The following KCTD19 variants were observed in gnomAD, a reference collection of about 807,000 sequenced individuals.
The protein encoded by KCTD19 is potassium channel tetramerization domain containing 19.
Under a neutral mutation model 103.5 loss-of-function variants are expected in KCTD19, and 67 were observed. The observed-to-expected ratio is 0.65, with a 90% confidence interval of 0.53 to 0.79. KCTD19 has a LOEUF of 0.79. KCTD19 is among the 30% of genes least tolerant of loss of function. KCTD19 has a pLI of 0.00. For synonymous variants in KCTD19, 439 were observed against 452.2 expected, an observed-to-expected ratio of 0.97 and a Z score of 0.37; for missense variants, 980 against 1,136.1, an observed-to-expected ratio of 0.86 and a Z score of 1.98.
intron 2 of KCTD19, chr16:67,305,359 C>G (rs2036880987): frequency 4.2e-6 from 1 of 238,470 alleles, no homozygotes; most frequent in Admixed American, 5.4e-5. Context: ...CTTTAACACA[C>G]TTTTTCTCAT....
At position 67,293,559 on chromosome 16, in the gene KCTD19, T is replaced by C; in HGVS notation, c.2203A>G (p.Arg735Gly). 6.2e-7 allele frequency: 1 copy of C among 1,614,012 alleles called. No individual in the cohort carries two copies. The highest frequency in any genetic ancestry group is 8.5e-7 in the Non-Finnish European group (1 of 1,179,952). The change falls in exon 12 of 16, where the codon AGG (arginine) becomes GGG (glycine). Residue 735 changes from arginine (R) to glycine (G), a missense_variant. Arg to Gly is a moderately radical substitution (Grantham distance 125). Coordinates refer to ENST00000304372, the MANE Select transcript of KCTD19 (RefSeq NM_001100915.3). This position sits in a 1 kb window ranked among gnomAD's most constrained non-coding sequence, Gnocchi z 4.0. ...CAGGACTCACCTCTCTCCTTGGTCC[T>C]CTGCTTGCTCCAGTCCTTCAGGGTG... ...AGTLKDWSKQ[R>G]TKERESPAPE...
At position 67,303,837 on chromosome 16, in the gene KCTD19, G is replaced by A. The variant is rs1434397716; in HGVS notation, c.452-500C>T. Among the ~76,000 whole-genome samples, 4 of 152,168 alleles carry A rather than the reference G, an allele frequency of 2.6e-5. No homozygotes were observed. The highest frequency in any genetic ancestry group is 7.2e-5 in the African/African-American group (3 of 41,436). On this transcript the variant is annotated intron_variant, in intron 3 of 15. Coordinates refer to ENST00000304372, the MANE Select transcript of KCTD19 (RefSeq NM_001100915.3). This position sits in a 1 kb window ranked among gnomAD's most constrained non-coding sequence, Gnocchi z 4.3. ...GCTGGGATTACAGGCATGAGCCACC[G>A]TGCCCAGCTGGAAATCTATATTTTT...
intron 15 of KCTD19, among the ~76,000 whole-genome samples, chr16:67,290,476 C>A (rs1356685410): frequency 6.6e-6 from 1 of 152,148 alleles, no homozygotes; most frequent in Non-Finnish European, 1.5e-5. Flanking sequence ...CCGCGCCCGG[C>A]CTAAGAATGC....
At chr16:67,325,430 G>A (rs2037138345) in intron 1 of KCTD19, among the ~76,000 whole-genome samples, 2 of 143,212 alleles carry the variant, frequency 1.4e-5, no homozygotes, top group South Asian at 4.2e-4. Context: ...TTTTAGTAGA[G>A]ATGGGGTTTC....
intron 2 of KCTD19, among the ~76,000 whole-genome samples, chr16:67,316,223 T>G (rs2037012539): frequency 1.3e-5 from 2 of 151,560 alleles, no homozygotes; most frequent in African/African-American, 4.9e-5. Context: ...AAAAATTTTT[T>G]TGTAGAGACA....
At chr16:67,292,912 C>T (rs182738675) in intron 12 of KCTD19, among the ~76,000 whole-genome samples, 100 of 152,254 alleles carry the variant, frequency 6.6e-4, no homozygotes, top group Middle Eastern at 3.4e-3. Context: ...GGCTAGAAAC[C>T]TGGCTTCTCC....
Position 67,293,711 on chromosome 16 carries a change from G to A in KCTD19, c.2051C>T (p.Ala684Val). Residue 684 changes from alanine (A) to valine (V), a missense_variant, in exon 12 of 16, where the codon GCT becomes GTT. Ala to Val is a moderately conservative substitution (Grantham distance 64). Coordinates refer to ENST00000304372, the MANE Select transcript of KCTD19 (RefSeq NM_001100915.3). The surrounding 1 kb of genome is among the most constrained non-coding windows in gnomAD (Gnocchi z 4.0). Reference sequence around the variant, plus strand: ...GGCTGTGGAATGGGCTTTCCAGGCAGCTGAGGTGCTGGGCTGGGAAGCAGC... The same window carrying A: ...GGCTGTGGAATGGGCTTTCCAGGCAACTGAGGTGCTGGGCTGGGAAGCAGC... The part of the protein sequence containing the change: ...SEAASQPSTS[A>V]AWKAHSTASE... The A allele has an allele frequency of 1.2e-6, 2 of 1,614,062 alleles. No homozygotes were observed. The highest frequency in any genetic ancestry group is 2.7e-5 in the African/African-American group (2 of 75,000).
intron 1 of KCTD19, among the ~76,000 whole-genome samples, 165 bp from the exon 2 acceptor site, chr16:67,321,050 G>C (rs547878520): frequency 6.6e-6 from 1 of 152,308 alleles, no homozygotes; most frequent in East Asian, 1.9e-4. Flanking sequence ...TCCAGGCCAG[G>C]CATGGTGGTT....
At chr16:67,309,806 A>G (rs1278600421) in intron 2 of KCTD19, among the ~76,000 whole-genome samples, 2 of 152,214 alleles carry the variant, frequency 1.3e-5, no homozygotes, top group Non-Finnish European at 2.9e-5. Context: ...CAGTAGTGAC[A>G]GTCTAGCTAG....
chr16:67,316,526 C>T (rs1377152216), intron 2 of KCTD19, among the ~76,000 whole-genome samples: 4 of 151,982 alleles, frequency 2.6e-5, no homozygotes, highest in Non-Finnish European at 5.9e-5. Context: ...GAAAATGTAG[C>T]AATATACTTT....
intron 8 of KCTD19, 125 bp downstream of exon 8, chr16:67,296,034 T>C (rs7195326): frequency 0.13 from 87,121 of 679,658 alleles, 12,924 homozygotes; most frequent in African/African-American, 0.59. Flanking sequence ...TGAGCCACCG[T>C]GCCTGGCGGG....
At position 67,290,786 on chromosome 16, in the gene KCTD19, T is replaced by C. The variant is rs1004700702; in HGVS notation, c.2667+99A>G. On this transcript the variant is annotated intron_variant, in intron 15 of 15. Coordinates refer to ENST00000304372, the MANE Select transcript of KCTD19 (RefSeq NM_001100915.3). ...GTGGCCTAAGCTGCCTGTCTAGCCT[T>C]CTGGGCAGTGCTGGCCCAGCCCTGG... is the stretch of plus-strand genomic sequence containing the variant. 6 of 1,095,824 alleles carry C rather than the reference T, an allele frequency of 5.5e-6. No individual in the cohort carries two copies. In the African/African-American group the frequency reaches 9.6e-5, roughly 17 times the overall value. 67.9% of individuals were successfully genotyped at this position (1,095,824 alleles called of 1,614,324 possible).
chr16:67,315,813 C>T (rs1390992638), intron 2 of KCTD19, among the ~76,000 whole-genome samples: 3 of 151,888 alleles, frequency 2.0e-5, no homozygotes, highest in Non-Finnish European at 4.4e-5. Flanking sequence ...TGGGGTTTCT[C>T]TATGTTGGCC....
In KCTD19 at chr16:67,289,610, C is replaced by T. The variant is rs2036646547; in HGVS notation, c.2740G>A (p.Val914Ile). ...LLIQRGLSRS[V>I]SYSILGKYLQ... The stretch of plus-strand genomic sequence containing the variant: ...TACTTTCCCAGGATGGAGTAAGAGA[C>T]AGACCTAGACAGGCCCCTCTGGATG... The change falls in exon 16 of 16, where the codon GTC (valine) becomes ATC (isoleucine). Residue 914 changes from valine (V) to isoleucine (I), a missense_variant. Transcript: ENST00000304372. 6.2e-7 allele frequency: 1 copy of T among 1,613,990 alleles called. No individual in the cohort carries two copies. The highest frequency in any genetic ancestry group is 1.1e-5 in the South Asian group (1 of 91,080).
At chr16:67,312,334 G>C (rs1037957856) in intron 2 of KCTD19, among the ~76,000 whole-genome samples, 1 of 152,206 alleles carries the variant, frequency 6.6e-6, no homozygotes, top group Admixed American at 6.5e-5. Context: ...GCTCAGATCA[G>C]TTTACATTTA....
intron 2 of KCTD19, among the ~76,000 whole-genome samples, chr16:67,312,147 G>A (rs1336559733): frequency 2.0e-5 from 3 of 152,206 alleles, no homozygotes; most frequent in African/African-American, 7.2e-5. Context: ...CCCAGAAGGT[G>A]TGAAAAAGGA....
chr16:67,312,559 C>T (rs1255528124), intron 2 of KCTD19, among the ~76,000 whole-genome samples: 9 of 152,168 alleles, frequency 5.9e-5, no homozygotes, highest in South Asian at 2.1e-4. Context: ...GTACATCCCG[C>T]GCCTCCTGTT....
chr16:67,303,075 G>A lies in KCTD19; in HGVS notation c.643+71C>T, dbSNP rs2036852003. 4 of 1,477,334 alleles carry A rather than the reference G, an allele frequency of 2.7e-6. No individual in the cohort carries two copies. In the South Asian group the frequency reaches 4.6e-5, roughly 17 times the overall value. 91.5% of individuals were successfully genotyped at this position (1,477,334 alleles called of 1,614,324 possible). A position where few individuals can be genotyped will look rare whatever the true frequency, so the allele number is the denominator to read the frequency against. ...TGAGCACCAAGCTGGGCCTCTGTGG[G>A]ACATGTGATGGGGAGGGGTGAATGG... On this transcript the variant is annotated intron_variant, in intron 4 of 15. Transcript: ENST00000304372. The surrounding 1 kb of genome is among the most constrained non-coding windows in gnomAD (Gnocchi z 4.3).
At chr16:67,299,227 G>A (rs962107976) in intron 6 of KCTD19, 136 bp downstream of exon 6, 7 of 777,220 alleles carry the variant, frequency 9.0e-6, no homozygotes, top group Admixed American at 7.6e-5. Flanking sequence ...TGCTGGTGAT[G>A]GTAATGGCTA....
Sources: allele counts gnomAD v4.1 joint callset (sites outside exome capture counted in the v4.1 genomes callset), GRCh38; gene constraint gnomAD v4.1.1; non-coding constraint Gnocchi (gnomAD v3.1); transcripts MANE v1.5; gene names NCBI Gene and HGNC (gene_info 2026-07-23, HGNC 2026-07-21).